SUN3: variants seen among roughly 807,000 people sequenced by gnomAD.
SUN3 encodes the protein Sad1 and UNC84 domain containing 3, also known as SUN domain-containing protein 3.
SUN3 carries 36 observed loss-of-function variants against 48.2 expected under a neutral mutation model. The ratio of observed to expected loss-of-function variants is 0.75; its 90% CI spans 0.57 to 0.99. SUN3 has a LOEUF of 0.99. Among genes scored for constraint, SUN3 ranks in the 50% least tolerant of loss-of-function variants. The pLI is 0.00. For missense variants in SUN3, 419 were observed against 433.1 expected, an observed-to-expected ratio of 0.97 and a Z score of 0.29; for synonymous variants, 148 against 147.9, an observed-to-expected ratio of 1.00 and a Z score of 0.00.
intron 1 of SUN3, among the ~76,000 whole-genome samples, chr7:48,026,558 G>A (rs1790139570): frequency 6.7e-6 from 1 of 148,258 alleles, no homozygotes. Flanking sequence ...CAGTTCTGTG[G>A]ACTGAATTGC....
chr7:48,001,691 G>A (rs962560261), intron 6 of SUN3, among the ~76,000 whole-genome samples: 7 of 151,676 alleles, frequency 4.6e-5, no homozygotes, highest in Non-Finnish European at 8.8e-5. Context: ...CCGCCACCAC[G>A]CCCAGCTAAT....
At chr7:48,003,077 T>C (rs1789431476) in intron 6 of SUN3, among the ~76,000 whole-genome samples, 1 of 152,302 alleles carries the variant, frequency 6.6e-6, no homozygotes, top group South Asian at 2.1e-4. Context: ...TATATTCCAT[T>C]TCAAGTTAAT....
intron 3 of SUN3, among the ~76,000 whole-genome samples, chr7:48,010,138 G>A (rs1054246444): frequency 2.6e-5 from 4 of 152,018 alleles, no homozygotes; most frequent in Admixed American, 1.3e-4. Flanking sequence ...TTATACACAC[G>A]TATGCACATG....
chr7:48,020,639 T>C (rs1382565588), intron 2 of SUN3, among the ~76,000 whole-genome samples: 2 of 152,200 alleles, frequency 1.3e-5, no homozygotes, highest in Non-Finnish European at 2.9e-5. Flanking sequence ...AGCATTTCTA[T>C]ATACAAACAG....
At chr7:47,991,814 G>A (rs1258761884) in intron 8 of SUN3, among the ~76,000 whole-genome samples, 3 of 152,060 alleles carry the variant, frequency 2.0e-5, no homozygotes, top group African/African-American at 7.2e-5. Flanking sequence ...GGGAGTGTGG[G>A]GGAAAGGAGC....
At chr7:48,030,561 C>T (rs1201034211), upstream of SUN3, among the ~76,000 whole-genome samples, 10 of 152,302 alleles carry the variant, frequency 6.6e-5, no homozygotes, top group Middle Eastern at 3.4e-3. Context: ...GCTTCTTTCC[C>T]TTAAACATGT....
chr7:48,004,995 A>G (rs1410162694), intron 6 of SUN3, among the ~76,000 whole-genome samples: 3 of 152,330 alleles, frequency 2.0e-5, no homozygotes, highest in South Asian at 4.1e-4. Flanking sequence ...TTCCACATCT[A>G]TGGCTACAGA....
chr7:47,993,720 A>T (rs1314854233), intron 8 of SUN3, among the ~76,000 whole-genome samples: 1 of 152,112 alleles, frequency 6.6e-6, no homozygotes, highest in African/African-American at 2.4e-5. Context: ...GGGTAAGAAA[A>T]ATGTTCTAAA....
upstream of SUN3, among the ~76,000 whole-genome samples, chr7:48,031,857 C>T (rs1412918629): frequency 6.6e-6 from 1 of 152,012 alleles, no homozygotes; most frequent in Non-Finnish European, 1.5e-5. Context: ...CACACACACA[C>T]ACACACACAC....
chr7:48,027,335 T>A (rs935132246), intron 1 of SUN3, among the ~76,000 whole-genome samples: 3 of 152,226 alleles, frequency 2.0e-5, no homozygotes, highest in Non-Finnish European at 2.9e-5. Context: ...TGGTTTCTGA[T>A]GAAGACAAGT....
chr7:48,020,696 C>G (rs770226894), intron 2 of SUN3, among the ~76,000 whole-genome samples: 6 of 151,922 alleles, frequency 3.9e-5, no homozygotes, highest in Admixed American at 6.6e-5. Flanking sequence ...ACAATAGCCA[C>G]AAACAAAATC....
intron 6 of SUN3, among the ~76,000 whole-genome samples, chr7:48,002,251 C>T (rs1789402362): frequency 7.2e-6 from 1 of 139,148 alleles, no homozygotes; most frequent in African/African-American, 3.2e-5. Context: ...GCTCCGCCTC[C>T]CGGGTTCACG....
At chr7:48,014,960 C>T (rs1255596195) in intron 3 of SUN3, among the ~76,000 whole-genome samples, 1 of 152,108 alleles carries the variant, frequency 6.6e-6, no homozygotes, top group African/African-American at 2.4e-5. Context: ...CCTGTGAGAC[C>T]AACCCACATT....
chr7:48,015,783 C>T (rs753976224), intron 3 of SUN3, among the ~76,000 whole-genome samples: 9 of 152,224 alleles, frequency 5.9e-5, no homozygotes, highest in East Asian at 1.9e-4. Context: ...AAGACCTATC[C>T]GACTCCATCA....
intron 9 of SUN3, 116 bp from the exon 10 acceptor site, chr7:47,987,565 GCT>G (rs1486934325): frequency 9.8e-7 from 1 of 1,018,164 alleles, no homozygotes; most frequent in East Asian, 3.0e-5. Flanking sequence ...ATAGGATCTG[GCT>G]CTGTCACACA....
chr7:47,993,299 C>T (rs191171215), intron 8 of SUN3, among the ~76,000 whole-genome samples: 2 of 152,062 alleles, frequency 1.3e-5, no homozygotes. Context: ...GAATTCCAGT[C>T]TTAGGTATAC....
chr7:48,017,311 T>C lies in SUN3; in HGVS notation c.239A>G (p.Gln80Arg). The C allele has an allele frequency of 1.2e-6, 2 of 1,610,444 alleles. No individual in the cohort carries two copies. Among genetic ancestry groups the C allele is most frequent in the Non-Finnish European group, 8.5e-7 (1 of 1,177,914 alleles). ...ATATTCTGCAATTATGGCATATAATTGTCTGGATTTCTGAGGAACATCTGT... is the reference window on the plus strand; with the variant it reads ...ATATTCTGCAATTATGGCATATAATCGTCTGGATTTCTGAGGAACATCTGT... ...KETDVPQKSRQLYAIIAEYGS... is the reference protein window; with the variant it reads ...KETDVPQKSRRLYAIIAEYGS... Residue 80 changes from glutamine to arginine, a missense_variant, in exon 3 of 10, where the codon CAA becomes CGA. Transcript: ENST00000297325.
chr7:47,999,534 TA>T (rs1789300806), intron 6 of SUN3, among the ~76,000 whole-genome samples: 1 of 152,208 alleles, frequency 6.6e-6, no homozygotes, highest in Non-Finnish European at 1.5e-5. Flanking sequence ...ATTTTTTATT[TA>T]TTTTTTATTT....
At chr7:48,007,703 G>T (rs1243769371) in intron 4 of SUN3, among the ~76,000 whole-genome samples, 1 of 152,158 alleles carries the variant, frequency 6.6e-6, no homozygotes, top group African/African-American at 2.4e-5. Flanking sequence ...AGTGGCTTTC[G>T]AATTGTAGCC....
Sources: gnomAD v4.1 joint callset for allele counts (sites outside exome capture counted in the v4.1 genomes callset) on GRCh38, gnomAD v4.1.1 for gene constraint, MANE v1.5 for transcripts, NCBI Gene and HGNC (gene_info 2026-07-23, HGNC 2026-07-21) for gene names.